Variants in PTPRD observed in about 807,000 individuals in gnomAD.
PTPRD encodes receptor-type tyrosine-protein phosphatase delta.
In PTPRD, 34 loss-of-function variants were observed where a neutral mutation model predicts 214.5. That is an observed-to-expected ratio of 0.16 (90% CI 0.12 to 0.21). The LOEUF is 0.21. Among genes scored for constraint, PTPRD ranks in the 10% least tolerant of loss-of-function variants. PTPRD has a pLI of 1.00. For synonymous variants in PTPRD, 1,128 were observed against 845.7 expected (o/e 1.33, Z -5.79); for missense variants, 2,545 against 2,398.7 (o/e 1.06, Z -1.27).
intron 3 of PTPRD, among the ~76,000 whole-genome samples, chr9:10,123,600 A>G (rs909411513): frequency 2.9e-4 from 44 of 152,326 alleles, no homozygotes; most frequent in African/African-American, 1.0e-3. Flanking sequence ...TGTGAAAAAG[A>G]ATCCACCAAC....
At chr9:10,214,282 T>C (rs912148557) in intron 3 of PTPRD, among the ~76,000 whole-genome samples, 3 of 152,086 alleles carry the variant, frequency 2.0e-5, no homozygotes, top group Admixed American at 1.3e-4. Flanking sequence ...GTTTGTTTGT[T>C]TGTTTGTTTT....
At chr9:10,512,662 A>AG (rs1051470052) in intron 2 of PTPRD, among the ~76,000 whole-genome samples, 7 of 152,074 alleles carry the variant, frequency 4.6e-5, no homozygotes, top group African/African-American at 1.4e-4. Flanking sequence ...ATTTGTTGAG[A>AG]GGGAAGGAGG....
intron 8 of PTPRD, among the ~76,000 whole-genome samples, chr9:9,483,489 C>T (rs557295248): frequency 2.6e-5 from 4 of 152,116 alleles, no homozygotes; most frequent in South Asian, 4.1e-4. Context: ...AATAAAAATA[C>T]GGAAGTTTTC....
At chr9:8,527,257 C>T (rs2074416666) in intron 16 of PTPRD, 88 bp downstream of exon 16, 1 of 1,395,780 alleles carries the variant, frequency 7.2e-7, no homozygotes, top group Non-Finnish European at 1.0e-6. Flanking sequence ...TAGTAAAATG[C>T]ATGCCATGCA....
At position 9,041,910 on chromosome 9, in the gene PTPRD, T is replaced by A. The variant is rs191255492; in HGVS notation, c.-142-23175A>T. 3.3e-5 allele frequency among the ~76,000 whole-genome samples: 5 copies of A among 152,312 alleles called. No individual in the cohort carries two copies. The East Asian group carries it at 9.7e-4, about 29-fold the overall frequency. ...CCCTTAGAATTATTTGAACAAGAAG[T>A]CTCTAAAACACAAGAAGTTAATTTA... On this transcript the variant is annotated intron_variant, in intron 10 of 45. Transcript: ENST00000381196.
intron 25 of PTPRD, among the ~76,000 whole-genome samples, chr9:8,498,688 GA>G (rs1235126454): frequency 6.6e-6 from 1 of 152,058 alleles, no homozygotes; most frequent in Non-Finnish European, 1.5e-5. Flanking sequence ...CAATTTCTTG[GA>G]TAATGAAAGT....
intron 25 of PTPRD, among the ~76,000 whole-genome samples, chr9:8,499,068 T>C (rs1381593662): frequency 6.6e-6 from 1 of 152,176 alleles, no homozygotes; most frequent in African/African-American, 2.4e-5. Context: ...ATCCCACTTA[T>C]TTGCTAGGAA....
At chr9:8,814,050 C>A (rs1405073572) in intron 11 of PTPRD, among the ~76,000 whole-genome samples, 1 of 152,198 alleles carries the variant, frequency 6.6e-6, no homozygotes, top group African/African-American at 2.4e-5. Context: ...GGATTCTGCA[C>A]CTTGGTATCT....
intron 11 of PTPRD, among the ~76,000 whole-genome samples, chr9:8,759,472 T>C (rs984547730): frequency 3.3e-5 from 5 of 152,170 alleles, no homozygotes; most frequent in Non-Finnish European, 5.9e-5. Context: ...CAAGGTATTG[T>C]CTGGTCTTCT....
chr9:10,278,323 G>C (rs1172398860), intron 3 of PTPRD, among the ~76,000 whole-genome samples: 1 of 152,128 alleles, frequency 6.6e-6, no homozygotes, highest in Admixed American at 6.5e-5. Flanking sequence ...GTCTATGCCT[G>C]TCCTTAATAA....
intron 3 of PTPRD, among the ~76,000 whole-genome samples, chr9:10,111,157 C>T (rs1471911019): frequency 6.6e-6 from 1 of 150,796 alleles, no homozygotes; most frequent in Admixed American, 6.6e-5. Context: ...ATAATGAATG[C>T]CATGACATTT....
At chr9:9,008,429 G>C (rs977099273) in intron 11 of PTPRD, among the ~76,000 whole-genome samples, 1 of 151,478 alleles carries the variant, frequency 6.6e-6, no homozygotes, top group Non-Finnish European at 1.5e-5. Flanking sequence ...GGGTTTCACC[G>C]TGTTAGCCAG....
At chr9:10,133,134 A>G (rs2098912934) in intron 3 of PTPRD, among the ~76,000 whole-genome samples, 1 of 152,116 alleles carries the variant, frequency 6.6e-6, no homozygotes, top group Non-Finnish European at 1.5e-5. Context: ...GCTGTTTACC[A>G]TGGTTGGTAA....
chr9:8,723,810 C>T (rs2098528056), intron 12 of PTPRD, among the ~76,000 whole-genome samples: 1 of 152,050 alleles, frequency 6.6e-6, no homozygotes, highest in Non-Finnish European at 1.5e-5. Context: ...AGAAAACATA[C>T]TTGGTTTAGT....
chr9:9,362,077 G>C (rs1358857317), intron 9 of PTPRD, among the ~76,000 whole-genome samples: 1 of 150,952 alleles, frequency 6.6e-6, no homozygotes, highest in Non-Finnish European at 1.5e-5. Context: ...AAGATCGAGT[G>C]GAATTAAACT....
chr9:9,493,415 T>C (rs916550487), intron 8 of PTPRD, among the ~76,000 whole-genome samples: 4 of 152,208 alleles, frequency 2.6e-5, no homozygotes, highest in African/African-American at 4.8e-5. Context: ...AATGTTGTTT[T>C]CATGGCTGGT....
At chr9:9,013,505 T>C (rs1275201498) in intron 11 of PTPRD, among the ~76,000 whole-genome samples, 1 of 152,158 alleles carries the variant, frequency 6.6e-6, no homozygotes, top group African/African-American at 2.4e-5. Context: ...GTTTGTTTGT[T>C]TTCTTTTGCT....
chr9:8,422,994 T>A (rs1590018357), intron 35 of PTPRD, among the ~76,000 whole-genome samples: 1 of 152,188 alleles, frequency 6.6e-6, no homozygotes, highest in Non-Finnish European at 1.5e-5. Flanking sequence ...CACTCCTGAG[T>A]TGTAGAACGG....
intron 39 of PTPRD, among the ~76,000 whole-genome samples, chr9:8,355,710 T>C (rs968157013): frequency 5.3e-5 from 8 of 152,196 alleles, no homozygotes; most frequent in Non-Finnish European, 8.8e-5. Context: ...CATATATACA[T>C]TATATGTTCA....
Sources: gnomAD v4.1 joint callset for allele counts (sites outside exome capture counted in the v4.1 genomes callset) on GRCh38, gnomAD v4.1.1 for gene constraint, MANE v1.5 for transcripts, NCBI Gene and HGNC (gene_info 2026-07-23, HGNC 2026-07-21) for gene names.